SLC39A11: variants seen among roughly 807,000 people sequenced by gnomAD.
SLC39A11 encodes the protein solute carrier family 39 member 11.
SLC39A11 carries 33 observed loss-of-function variants against 36.1 expected under a neutral mutation model. That is an observed-to-expected ratio of 0.91 (90% confidence interval 0.69 to 1.22). The LOEUF is 1.22. Among genes scored for constraint, SLC39A11 ranks in the 50% most tolerant of loss-of-function variants. The pLI is 0.00. For synonymous variants in SLC39A11, 166 were observed against 170.3 expected (o/e 0.97, Z 0.20); for missense variants, 432 against 430.3 (o/e 1.00, Z -0.03).
intron 7 of SLC39A11, among the ~76,000 whole-genome samples, chr17:72,712,179 A>C (rs2073131086): frequency 6.6e-6 from 1 of 152,246 alleles, no homozygotes; most frequent in Non-Finnish European, 1.5e-5. Context: ...AGACCTATAG[A>C]GAAAGGACTG....
At chr17:72,665,398 T>TTTTTG (rs1555631660) in intron 7 of SLC39A11, among the ~76,000 whole-genome samples, 1,519 of 130,248 alleles carry the variant, frequency 0.012, 72 homozygotes, top group Admixed American at 0.049. Flanking sequence ...TGTTTTTTTT[T>TTTTTG]TTTTTTTTTT....
intron 4 of SLC39A11, among the ~76,000 whole-genome samples, chr17:72,949,362 T>C (rs772350424): frequency 2.0e-5 from 3 of 151,782 alleles, no homozygotes; most frequent in Non-Finnish European, 4.4e-5. Context: ...GGTTTCACCA[T>C]GTTGGCCAGG....
intron 4 of SLC39A11, among the ~76,000 whole-genome samples, chr17:72,951,194 C>T (rs1000562870): frequency 6.9e-6 from 1 of 144,584 alleles, no homozygotes; most frequent in Admixed American, 7.3e-5. Context: ...CCCAGGAAGG[C>T]GAGGCTGCAG....
Position 72,736,340 on chromosome 17 carries a change from G to A in SLC39A11, c.671+310C>T, listed in dbSNP as rs1327120464. ...AAGGAAAGGCCTGAAGAGTGTCAGCGGCTGCCTTTGTTTTTTGTCATTAGT... is the reference window on the plus strand; with the variant it reads ...AAGGAAAGGCCTGAAGAGTGTCAGCAGCTGCCTTTGTTTTTTGTCATTAGT... On this transcript the variant is annotated intron_variant, in intron 7 of 9. Coordinates refer to ENST00000255559, the MANE Select transcript of SLC39A11 (RefSeq NM_139177.4). Among the ~76,000 whole-genome samples the A allele has an allele frequency of 3.9e-5, 6 of 152,266 alleles. No individual in the cohort carries two copies. In the South Asian group the frequency reaches 6.2e-4, roughly 16 times the overall value.
intron 5 of SLC39A11, among the ~76,000 whole-genome samples, chr17:72,851,477 C>T (rs2079320994): frequency 1.3e-5 from 2 of 152,156 alleles, no homozygotes; most frequent in African/African-American, 2.4e-5. Context: ...GGAGAGAAAA[C>T]CCAGCAAGCA....
intron 5 of SLC39A11, among the ~76,000 whole-genome samples, chr17:72,887,735 C>G (rs1486179497): frequency 6.6e-6 from 1 of 152,094 alleles, no homozygotes; most frequent in Non-Finnish European, 1.5e-5. Context: ...GAACAATTTA[C>G]AAATTGTGGC....
In SLC39A11 at chr17:72,938,301, C is replaced by T. The variant is rs1000025155; in HGVS notation, c.430+9451G>A. On this transcript the variant is annotated intron_variant, in intron 5 of 9. Coordinates refer to ENST00000255559, the MANE Select transcript of SLC39A11 (RefSeq NM_139177.4). ...TTTCTTTAGGGAAGTGTTACATGGGCCCCATCCCAAAGGTTAGCGCTGTTC... is the reference window on the plus strand; with the variant it reads ...TTTCTTTAGGGAAGTGTTACATGGGTCCCATCCCAAAGGTTAGCGCTGTTC... Among the ~76,000 whole-genome samples the T allele has an allele frequency of 2.0e-5, 3 of 152,228 alleles. No individual in the cohort carries two copies. The East Asian group carries it at 5.8e-4, about 29-fold the overall frequency.
Position 72,834,530 on chromosome 17 carries a change from G to A in SLC39A11, c.601+15104C>T, listed in dbSNP as rs115067787. 2.8e-4 allele frequency among the ~76,000 whole-genome samples: 43 copies of A among 152,310 alleles called. 1 individual carries two copies. Among genetic ancestry groups the A allele is most frequent in the African/African-American group, 1.0e-3 (43 of 41,556 alleles). On this transcript the variant is annotated intron_variant, in intron 6 of 9. Coordinates refer to ENST00000255559, the MANE Select transcript of SLC39A11 (RefSeq NM_139177.4). ...CCAGCTATTGAGGAAGCTAAGGCAG[G>A]AGAATAGGTTGAACCTGGGAGGCGG...
In SLC39A11 at chr17:72,819,729, A is replaced by G. The variant is rs530995752; in HGVS notation, c.601+29905T>C. Among the ~76,000 whole-genome samples, 31 of 151,460 alleles carry G rather than the reference A, an allele frequency of 2.0e-4. 1 individual carries two copies. The highest frequency in any genetic ancestry group is 6.3e-4 in the African/African-American group (26 of 41,492). ...GGCTTTTCCAACAGCCTCTTGGTGG[A>G]TCCCAAACCATTTTGGGAAGTAGGT... On this transcript the variant is annotated intron_variant, in intron 6 of 9. Coordinates refer to ENST00000255559, the MANE Select transcript of SLC39A11 (RefSeq NM_139177.4).
intron 6 of SLC39A11, among the ~76,000 whole-genome samples, chr17:72,812,588 G>A (rs2077466338): frequency 6.6e-6 from 1 of 152,168 alleles, no homozygotes; most frequent in Non-Finnish European, 1.5e-5. Context: ...CAAAACATCT[G>A]CTTCTGGTCC....
intron 3 of SLC39A11, among the ~76,000 whole-genome samples, chr17:73,070,924 T>G (rs550318800): frequency 5.9e-5 from 9 of 152,178 alleles, no homozygotes; most frequent in Admixed American, 1.3e-4. Flanking sequence ...GTCTCCCGTA[T>G]GTCTTTATCA....
intron 6 of SLC39A11, among the ~76,000 whole-genome samples, chr17:72,838,718 C>T (rs2078678726): frequency 1.3e-5 from 2 of 152,130 alleles, no homozygotes; most frequent in African/African-American, 4.8e-5. Flanking sequence ...GATTGAGCGA[C>T]AGATCATGTG....
chr17:72,865,721 G>A (rs759113006), intron 5 of SLC39A11, among the ~76,000 whole-genome samples: 14 of 151,918 alleles, frequency 9.2e-5, no homozygotes, highest in East Asian at 7.7e-4. Context: ...AGGCACCACC[G>A]ACAGAGAGAA....
At chr17:72,723,317 TAA>T (rs2073782157) in intron 7 of SLC39A11, among the ~76,000 whole-genome samples, 2 of 94,394 alleles carry the variant, frequency 2.1e-5, no homozygotes, top group Non-Finnish European at 4.2e-5. Flanking sequence ...TGTAGGAGTG[TAA>T]GAGTGTGTGT....
intron 7 of SLC39A11, among the ~76,000 whole-genome samples, chr17:72,674,803 C>T (rs567107564): frequency 2.0e-4 from 31 of 152,172 alleles, no homozygotes; most frequent in African/African-American, 5.5e-4. Flanking sequence ...TGAGTTTCAG[C>T]GTTTTTCTCA....
intron 3 of SLC39A11, among the ~76,000 whole-genome samples, chr17:73,062,291 C>T (rs1248880263): frequency 6.6e-6 from 1 of 151,186 alleles, no homozygotes. Context: ...AAAACCCCAT[C>T]TCTATAAAAA....
intron 6 of SLC39A11, among the ~76,000 whole-genome samples, chr17:72,755,101 C>A (rs1598590235): frequency 1.3e-5 from 2 of 152,184 alleles, no homozygotes; most frequent in Non-Finnish European, 2.9e-5. Flanking sequence ...GAATGTCAAG[C>A]TCAGTGTGGC....
At chr17:72,651,043 G>A (rs2143858896) in intron 7 of SLC39A11, among the ~76,000 whole-genome samples, 1 of 152,190 alleles carries the variant, frequency 6.6e-6, no homozygotes, top group Middle Eastern at 3.4e-3. Flanking sequence ...TTTCATTGAG[G>A]TTCGTAGTTC....
intron 7 of SLC39A11, among the ~76,000 whole-genome samples, chr17:72,692,083 T>C (rs2072057003): frequency 6.6e-6 from 1 of 151,388 alleles, no homozygotes; most frequent in East Asian, 2.0e-4. Context: ...CGATCTCGGC[T>C]CACTGCAAGC....
Sources: allele counts gnomAD v4.1 joint callset (sites outside exome capture counted in the v4.1 genomes callset), GRCh38; gene constraint gnomAD v4.1.1; transcripts MANE v1.5; gene names NCBI Gene and HGNC (gene_info 2026-07-23, HGNC 2026-07-21).